The following LTA4H variants were observed in gnomAD, a reference collection of about 807,000 sequenced individuals.
The protein encoded by LTA4H is leukotriene A-4 hydrolase.
Under a neutral mutation model 89.8 loss-of-function variants are expected in LTA4H, and 59 were observed. That is an observed-to-expected ratio of 0.66 (90% CI 0.53 to 0.82). The LOEUF (loss-of-function observed/expected upper bound fraction) is 0.82. Ranked by LOEUF, LTA4H falls within the 40% of genes least tolerant of loss-of-function variation. LTA4H has a pLI of 0.00. For synonymous variants in LTA4H, 227 were observed against 253.1 expected (o/e 0.90, Z 0.98); for missense variants, 617 against 727.0 (o/e 0.85, Z 1.74).
rs1054503896 is a variant in LTA4H at position 96,029,137 on chromosome 12, G to C, written c.208C>G (p.Gln70Glu). The part of the protein sequence containing the change: ...LTIEKVVING[Q>E]EVKYALGERQ... ...TCTCCAAGAGCATATTTGACTTCTT[G>C]TCCATTGATCACTACTTTTTCTATT... Residue 70 changes from glutamine to glutamate, a missense_variant, in exon 2 of 19, where the codon CAA becomes GAA. Gln to Glu is a conservative substitution (Grantham distance 29). This residue lies in a region of LTA4H where 155 missense variants were observed against 143.3 expected (regional missense o/e 1.08). Transcript: ENST00000228740. 6.3e-7 allele frequency: 1 copy of C among 1,586,630 alleles called. No homozygotes were observed.
At chr12:96,001,156 A>AG in intron 18 of LTA4H, 50 bp from the exon 19 acceptor site, 2 of 1,098,774 alleles carry the variant, frequency 1.8e-6, no homozygotes, top group Non-Finnish European at 2.8e-6. Flanking sequence ...AAGGAGACAG[A>AG]GGAGGAGAAA....
intron 16 of LTA4H, among the ~76,000 whole-genome samples, chr12:96,005,209 A>G (rs971707563): frequency 2.6e-5 from 4 of 151,676 alleles, no homozygotes; most frequent in South Asian, 2.1e-4. Flanking sequence ...TTTACTGTCA[A>G]CCCCTATAGC....
At chr12:96,036,750 T>A (rs531628151), upstream of LTA4H, among the ~76,000 whole-genome samples, 3 of 152,312 alleles carry the variant, frequency 2.0e-5, no homozygotes, top group Admixed American at 2.0e-4. Context: ...GAGGACAGTA[T>A]GTTAGGCTGT....
Position 96,009,158 on chromosome 12 carries a change from TAA to T in LTA4H, c.1380-12_1380-11del, listed in dbSNP as rs778689136. On this transcript the variant is annotated splice_polypyrimidine_tract_variant and intron_variant, in intron 14 of 18. Transcript: ENST00000228740. ...CAGAGTCATATCATAACTGCAAAGA[TAA>T]AGATTACATTGTTTAAAAATGCACG... 2.5e-6 allele frequency: 4 copies of T among 1,588,682 alleles called. No homozygotes were observed. Among genetic ancestry groups the T allele is most frequent in the African/African-American group, 2.7e-5 (2 of 74,562 alleles).
chr12:96,039,924 A>T (rs1313207135), upstream of LTA4H, among the ~76,000 whole-genome samples: 1 of 152,186 alleles, frequency 6.6e-6, no homozygotes, highest in East Asian at 1.9e-4. Context: ...TACCTCTTGG[A>T]TAATTTATAC....
chr12:96,027,592 A>AACATAAAAATATTAT, intron 2 of LTA4H, 28 bp from the exon 3 acceptor site: 1 of 1,434,196 alleles, frequency 7.0e-7, no homozygotes, highest in Non-Finnish European at 9.7e-7. Flanking sequence ...ATATATTAGT[A>AACATAAAAATATTAT]GAGTATGATT....
chr12:96,026,738 C>T (rs1350718770), intron 3 of LTA4H, among the ~76,000 whole-genome samples: 2 of 152,076 alleles, frequency 1.3e-5, no homozygotes, highest in Non-Finnish European at 2.9e-5. Context: ...TAGCACAATG[C>T]CTGGAAATAG....
chr12:96,017,666 T>G (rs1950397751), intron 8 of LTA4H, 86 bp from the exon 9 acceptor site: 1 of 882,704 alleles, frequency 1.1e-6, no homozygotes, highest in Admixed American at 2.0e-5. Flanking sequence ...CTTAGCATAC[T>G]GGCACTGGTG....
chr12:96,024,076 C>T (rs926387048), intron 4 of LTA4H, among the ~76,000 whole-genome samples: 3 of 151,790 alleles, frequency 2.0e-5, no homozygotes, highest in Non-Finnish European at 2.9e-5. Context: ...ACTACAGGTG[C>T]CCGCCACCAT....
intron 18 of LTA4H, among the ~76,000 whole-genome samples, chr12:96,002,686 T>A (rs1373277371): frequency 6.6e-6 from 1 of 152,238 alleles, no homozygotes; most frequent in Non-Finnish European, 1.5e-5. Flanking sequence ...TTTAAAAATC[T>A]TTGTGTATAT....
rs1169688246 is a variant in LTA4H, at chr12:96,018,796, A to G, written c.819T>C (p.Asn273=). 1 of 1,594,846 alleles carries G rather than the reference A, an allele frequency of 6.3e-7. No individual in the cohort carries two copies. Among genetic ancestry groups the G allele is most frequent in the Non-Finnish European group, 8.5e-7 (1 of 1,173,932 alleles). ...PPSFPYGGME[N]PCLTFVTPTL... is the part of the protein sequence containing the mutation. The stretch of plus-strand genomic sequence containing the variant: ...TAGGAGTTACAAAAGTAAGGCAAGG[A>G]TTCTCCATGCCACCATAAGGGAAGG... Residue 273 remains asparagine (N), a synonymous_variant, in exon 8 of 19, where the codon AAT becomes AAC. Coordinates refer to ENST00000228740, the MANE Select transcript of LTA4H (RefSeq NM_000895.3).
Position 96,000,931 on chromosome 12 carries a change from T to C in LTA4H, c.*58A>G. ...TTAATTGTGAGCTGAAGTTTTATAT[T>C]TCTTTACGAATTCCATTTAAAAAAG... On this transcript the variant is annotated 3_prime_UTR_variant, in exon 19 of 19. Coordinates refer to ENST00000228740, the MANE Select transcript of LTA4H (RefSeq NM_000895.3). The C allele has an allele frequency of 1.6e-6, 2 of 1,212,702 alleles. No individual in the cohort carries two copies. Among genetic ancestry groups the C allele is most frequent in the Non-Finnish European group, 2.4e-6 (2 of 820,868 alleles). 75.1% of individuals were successfully genotyped at this position (1,212,702 alleles called of 1,614,324 possible).
rs116656317 is a variant in LTA4H, at chr12:96,008,841, C to T, written c.1434+253G>A. 3.5e-3 allele frequency among the ~76,000 whole-genome samples: 529 copies of T among 152,238 alleles called. 4 individuals carry two copies. Among genetic ancestry groups the T allele is most frequent in the African/African-American group, 0.012 (515 of 41,548 alleles). ...GGCTGAGGTGGGACAACTGACTGAG[C>T]CCAGGAGGTTGAGGCTGCAATGAGC... On this transcript the variant is annotated intron_variant, in intron 15 of 18. Transcript: ENST00000228740.
Position 96,001,585 on chromosome 12 carries a change from T to C in LTA4H, c.1719-479A>G, listed in dbSNP as rs570376409. ...TTTTAAAAACTGCTTTTAAAAAAAA[T>C]TTTTTAATCAAGATTTTAAGAGTAT... On this transcript the variant is annotated intron_variant, in intron 18 of 18. Transcript: ENST00000228740. 1.4e-4 allele frequency among the ~76,000 whole-genome samples: 22 copies of C among 152,256 alleles called. No homozygotes were observed. The South Asian group carries it at 4.6e-3, about 32-fold the overall frequency.
At chr12:96,016,811 G>T (rs1187792986) in intron 10 of LTA4H, among the ~76,000 whole-genome samples, 1 of 151,544 alleles carries the variant, frequency 6.6e-6, no homozygotes, top group South Asian at 2.1e-4. Flanking sequence ...TGAGACAGAA[G>T]AATCACTTGA....
At chr12:96,035,634 C>A, upstream of LTA4H, 4 of 1,433,246 alleles carry the variant, frequency 2.8e-6, no homozygotes, top group Non-Finnish European at 3.7e-6. Flanking sequence ...GAGGGATTCG[C>A]GGTGCACGCC....
chr12:96,032,959 G>C (rs931032685), intron 1 of LTA4H, among the ~76,000 whole-genome samples: 1 of 152,144 alleles, frequency 6.6e-6, no homozygotes, highest in Admixed American at 6.5e-5. Flanking sequence ...GGAGGGTGGA[G>C]GGTAGGAGAA....
chr12:96,009,001 CTG>C, intron 15 of LTA4H, 91 bp downstream of exon 15: 1 of 897,550 alleles, frequency 1.1e-6, no homozygotes, highest in Non-Finnish European at 1.8e-6. Context: ...CCAAATATAA[CTG>C]TTTGTGATTT....
In LTA4H at chr12:96,001,010, C is replaced by T. The variant is rs1185617644; in HGVS notation, c.1815G>A (p.Gly605=). 40 of 1,613,392 alleles carry T rather than the reference C, an allele frequency of 2.5e-5. No individual in the cohort carries two copies. The highest frequency in any genetic ancestry group is 3.3e-5 in the Non-Finnish European group (39 of 1,179,332). ...GTCTTTAATCCACTTTTAAGTCTTT[C>T]CCCACCAGCATTGCAGTCACGGGAT... ...SMHPVTAMLV[G]KDLKVD The change falls in exon 19 of 19, where the codon GGG becomes GGA. Residue 605 remains glycine (G), a synonymous_variant. Coordinates refer to ENST00000228740, the MANE Select transcript of LTA4H (RefSeq NM_000895.3).
Sources: gnomAD v4.1 joint callset for allele counts (sites outside exome capture counted in the v4.1 genomes callset) on GRCh38, gnomAD v4.1.1 for gene constraint, gnomAD v4.1.1 regional missense constraint, MANE v1.5 for transcripts, NCBI Gene and HGNC (gene_info 2026-07-23, HGNC 2026-07-21) for gene names.